SLC49A4: variants seen among roughly 807,000 people sequenced by gnomAD.
SLC49A4 encodes disrupted in renal cancer protein 2.
A neutral mutation model predicts 50.6 loss-of-function variants in SLC49A4; 36 were observed. The ratio of observed to expected loss-of-function variants is 0.71; its 90% CI spans 0.55 to 0.94. The LOEUF (loss-of-function observed/expected upper bound fraction) is 0.94. Ranked by LOEUF, SLC49A4 falls within the 40% of genes least tolerant of loss-of-function variation. The probability of loss-of-function intolerance (pLI) is 0.00; values close to 1 mark genes in which losing one functional copy is unlikely to be tolerated. For synonymous variants in SLC49A4, 248 were observed against 241.2 expected (o/e 1.03, Z -0.26); for missense variants, 503 against 605.7 (o/e 0.83, Z 1.78).
intron 1 of SLC49A4, among the ~76,000 whole-genome samples, chr3:122,804,633 T>C (rs145278553): frequency 6.6e-6 from 1 of 152,260 alleles, no homozygotes; most frequent in East Asian, 1.9e-4. Flanking sequence ...ACTGTACTTG[T>C]GAGGTTGCTT....
chr3:122,845,715 C>G (rs1936839559), intron 4 of SLC49A4, 48 bp from the exon 5 acceptor site: 1 of 988,124 alleles, frequency 1.0e-6, no homozygotes, highest in Non-Finnish European at 1.4e-6. Flanking sequence ...TAAGTTTATT[C>G]TAGATTTTTA....
chr3:122,845,390 A>G (rs920177904), intron 4 of SLC49A4, among the ~76,000 whole-genome samples: 2 of 152,132 alleles, frequency 1.3e-5, no homozygotes, highest in African/African-American at 4.8e-5. Flanking sequence ...GGTTGATTCC[A>G]CATCTTTGCT....
intron 2 of SLC49A4, among the ~76,000 whole-genome samples, chr3:122,826,175 G>T (rs956394842): frequency 6.6e-6 from 1 of 152,190 alleles, no homozygotes; most frequent in Non-Finnish European, 1.5e-5. Flanking sequence ...AGCTCAGCTG[G>T]AACCCAGGTC....
chr3:122,832,278 T>C (rs1015804731), intron 3 of SLC49A4, among the ~76,000 whole-genome samples: 9 of 152,168 alleles, frequency 5.9e-5, no homozygotes, highest in Non-Finnish European at 1.2e-4. Context: ...GGGCTGTGCT[T>C]TTCTACAAAA....
chr3:122,856,466 G>A (rs1356091692), intron 6 of SLC49A4, 92 bp downstream of exon 6: 2 of 1,211,424 alleles, frequency 1.7e-6, no homozygotes, highest in Non-Finnish European at 2.4e-6. Context: ...TTACAATTCA[G>A]GGAAAAGTAA....
intron 4 of SLC49A4, among the ~76,000 whole-genome samples, chr3:122,840,716 A>C (rs1386983704): frequency 6.6e-6 from 1 of 152,212 alleles, no homozygotes; most frequent in African/African-American, 2.4e-5. Context: ...CTTGATTTCC[A>C]GTAGAATTAA....
intron 1 of SLC49A4, among the ~76,000 whole-genome samples, chr3:122,798,709 A>G (rs1371201186): frequency 8.7e-6 from 1 of 114,512 alleles, no homozygotes; most frequent in Admixed American, 1.3e-4. Flanking sequence ...CAGTTGTGTG[A>G]TCTTGGCTCA....
intron 3 of SLC49A4, among the ~76,000 whole-genome samples, chr3:122,827,369 T>C (rs1560208555): frequency 6.6e-6 from 1 of 152,344 alleles, no homozygotes; most frequent in East Asian, 1.9e-4. Context: ...TCTCTAGATA[T>C]CTTATCAGGA....
intron 3 of SLC49A4, among the ~76,000 whole-genome samples, chr3:122,829,624 C>T (rs1335045049): frequency 6.6e-6 from 1 of 152,162 alleles, no homozygotes; most frequent in Non-Finnish European, 1.5e-5. Context: ...ATGGCACATG[C>T]CTGTAATCCC....
intron 6 of SLC49A4, among the ~76,000 whole-genome samples, chr3:122,858,362 A>C (rs1937015104): frequency 6.6e-6 from 1 of 152,212 alleles, no homozygotes; most frequent in Non-Finnish European, 1.5e-5. Context: ...TCTGACAAAT[A>C]AGTTTATGCA....
Position 122,795,635 on chromosome 3 carries a change from A to G in SLC49A4, c.343+100A>G. On this transcript the variant is annotated intron_variant, in intron 1 of 8. Transcript: ENST00000261038. Reference sequence around the variant, plus strand: ...CAGCCGCCTCCCTTGGCCCCGGCATAGGGGTTGTGTGAGGTGATAGAGTGT... The same window carrying G: ...CAGCCGCCTCCCTTGGCCCCGGCATGGGGGTTGTGTGAGGTGATAGAGTGT... 2.0e-6 allele frequency: 3 copies of G among 1,481,034 alleles called. No individual in the cohort carries two copies. In the African/African-American group the frequency reaches 4.4e-5, roughly 22 times the overall value. The allele number at this position is 1,481,034 out of a possible 1,614,324, so 91.7% of individuals were successfully genotyped here. A position where few individuals can be genotyped will look rare whatever the true frequency, so the allele number is the denominator to read the frequency against.
At chr3:122,795,657 G>A in intron 1 of SLC49A4, 122 bp downstream of exon 1, 1 of 1,428,924 alleles carries the variant, frequency 7.0e-7, no homozygotes, top group African/African-American at 1.5e-5. Flanking sequence ...AGGTGATAGA[G>A]TGTTGCTAGC....
At chr3:122,830,239 C>T (rs1196263767) in intron 3 of SLC49A4, among the ~76,000 whole-genome samples, 1 of 152,162 alleles carries the variant, frequency 6.6e-6, no homozygotes, top group East Asian at 1.9e-4. Context: ...GTGAAGATAT[C>T]CCCAAGTTTA....
intron 8 of SLC49A4, among the ~76,000 whole-genome samples, chr3:122,874,060 C>T (rs533171098): frequency 3.7e-4 from 57 of 152,198 alleles, no homozygotes; most frequent in Non-Finnish European, 7.6e-4. Context: ...AAAAGAACAA[C>T]AGCAGGTGCC....
chr3:122,818,442 TTTC>T (rs1407407526), intron 2 of SLC49A4, among the ~76,000 whole-genome samples: 1 of 152,198 alleles, frequency 6.6e-6, no homozygotes, highest in Non-Finnish European at 1.5e-5. Flanking sequence ...GATGATTTTT[TTTC>T]TTCTTTATGC....
intron 1 of SLC49A4, among the ~76,000 whole-genome samples, chr3:122,798,132 A>T (rs536744634): frequency 6.6e-6 from 1 of 152,172 alleles, no homozygotes; most frequent in East Asian, 1.9e-4. Flanking sequence ...TGTTACATTT[A>T]GTTGTAATTT....
At chr3:122,841,316 G>A (rs979900961) in intron 4 of SLC49A4, among the ~76,000 whole-genome samples, 1 of 152,114 alleles carries the variant, frequency 6.6e-6, no homozygotes, top group Admixed American at 6.6e-5. Flanking sequence ...GCAACATGCC[G>A]TCTTCTCTTT....
In SLC49A4 at chr3:122,806,932, AC is replaced by A. The variant is rs1193272164; in HGVS notation, c.420del (p.Leu141Ter). ...GGTCTAAGATGCATACCTATATCAG[AC>A]TTAATCCTTAAAAGAAGGTAAATCC... Reference protein sequence around the residue: ...GTGLRCIPISDLILKRRLIHG... With the variant: ...GTGLRCIPISXLILKRRLIHG... On this transcript the variant is annotated frameshift_variant, in exon 2 of 9. Coordinates refer to ENST00000261038, the MANE Select transcript of SLC49A4 (RefSeq NM_032839.3). LOFTEE classifies it high-confidence loss of function. 1.9e-6 allele frequency: 3 copies of A among 1,594,232 alleles called. No individual in the cohort carries two copies. Among genetic ancestry groups the A allele is most frequent in the Non-Finnish European group, 2.6e-6 (3 of 1,163,938 alleles).
chr3:122,853,432 T>C lies in SLC49A4; in HGVS notation c.943-2875T>C, dbSNP rs570089188. Among the ~76,000 whole-genome samples the C allele has an allele frequency of 1.6e-4, 24 of 152,264 alleles. 1 individual carries two copies. The South Asian group carries it at 4.6e-3, about 29-fold the overall frequency. ...GGCAGGTATTCCAAGTATGCTCAGT[T>C]CTGTTAAGGAAAAGTGTAGCACCCA... is the stretch of plus-strand genomic sequence containing the variant. On this transcript the variant is annotated intron_variant, in intron 5 of 8. Coordinates refer to ENST00000261038, the MANE Select transcript of SLC49A4 (RefSeq NM_032839.3).
Sources: gnomAD v4.1 joint callset for allele counts (sites outside exome capture counted in the v4.1 genomes callset) on GRCh38, gnomAD v4.1.1 for gene constraint, MANE v1.5 for transcripts, NCBI Gene and HGNC (gene_info 2026-07-23, HGNC 2026-07-21) for gene names.